Variants in ADHFE1 observed in about 807,000 individuals in gnomAD.
ADHFE1 encodes hydroxyacid-oxoacid transhydrogenase, mitochondrial.
ADHFE1 carries 37 observed loss-of-function variants against 54.8 expected under a neutral mutation model. That is an observed-to-expected ratio of 0.68 (90% CI 0.52 to 0.89). The LOEUF (loss-of-function observed/expected upper bound fraction) is 0.89, where lower values mean the gene tolerates loss of function less well. Ranked by LOEUF, ADHFE1 falls within the 40% of genes least tolerant of loss-of-function variation. The pLI, the probability that ADHFE1 is intolerant of heterozygous loss-of-function variation, is 0.00. For synonymous variants in ADHFE1, 203 were observed against 229.3 expected, an observed-to-expected ratio of 0.89 and a Z score of 1.04; for missense variants, 601 against 591.2, an observed-to-expected ratio of 1.02 and a Z score of -0.17.
intron 2 of ADHFE1, among the ~76,000 whole-genome samples, chr8:66,442,309 C>CTTTT (rs1028439051): frequency 7.5e-5 from 10 of 133,804 alleles, no homozygotes; most frequent in African/African-American, 8.2e-5. Flanking sequence ...TACATTCTAT[C>CTTTT]TTTTTTTTTT....
Position 66,468,882 on chromosome 8 carries a change from T to C in ADHFE1, c.*530T>C, listed in dbSNP as rs943986086. Reference sequence around the variant, plus strand: ...CAGTGGAATACTATGGTACTGTTAATAAAGATGAAGTAAATCTCTTGGAAA... The same window carrying C: ...CAGTGGAATACTATGGTACTGTTAACAAAGATGAAGTAAATCTCTTGGAAA... On this transcript the variant is annotated 3_prime_UTR_variant, in exon 14 of 14. Coordinates refer to ENST00000396623, the MANE Select transcript of ADHFE1 (RefSeq NM_144650.3). 2 of 152,194 alleles carry C rather than the reference T, an allele frequency of 1.3e-5. No individual in the cohort carries two copies. The highest frequency in any genetic ancestry group is 4.8e-5 in the African/African-American group (2 of 41,446). 9.4% of individuals were successfully genotyped at this position (152,194 alleles called of 1,614,324 possible).
chr8:66,438,000 A>G (rs1460744958), intron 1 of ADHFE1, among the ~76,000 whole-genome samples: 1 of 152,208 alleles, frequency 6.6e-6, no homozygotes, highest in Non-Finnish European at 1.5e-5. Context: ...TTCAAGGAAA[A>G]GAAAGATGTT....
chr8:66,443,264 A>ATTTTTTTTTTTTTTTTTTTTTT lies in ADHFE1; in HGVS notation c.144+431_144+452dup, dbSNP rs540464621. Among the ~76,000 whole-genome samples the ATTTTTTTTTTTTTTTTTTTTTT allele has an allele frequency of 3.5e-5, 3 of 86,100 alleles. 1 individual carries two copies. Among genetic ancestry groups the ATTTTTTTTTTTTTTTTTTTTTT allele is most frequent in the African/African-American group, 1.2e-4 (3 of 24,156 alleles). 56.5% of individuals were successfully genotyped at this position (86,100 alleles called of 152,430 possible). A position where few individuals can be genotyped will look rare whatever the true frequency, so the allele number is the denominator to read the frequency against. On this transcript the variant is annotated intron_variant, in intron 3 of 13. Coordinates refer to ENST00000396623, the MANE Select transcript of ADHFE1 (RefSeq NM_144650.3). Reference sequence around the variant, plus strand: ...GTCCCTGTCTCCTCCTAGTCCAGGAATTTTTTTTTTTTTTTTTTTTTTTTT... The same window carrying ATTTTTTTTTTTTTTTTTTTTTT: ...GTCCCTGTCTCCTCCTAGTCCAGGAATTTTTTTTTTTTTTTTTTTTTTTTTTTTTTTTTTTTTTTTTTTTTTT...
At chr8:66,454,691 C>A (rs1806478746) in intron 10 of ADHFE1, among the ~76,000 whole-genome samples, 1 of 151,908 alleles carries the variant, frequency 6.6e-6, no homozygotes, top group Admixed American at 6.6e-5. Context: ...TTAGCAACTA[C>A]CAATTTACTT....
intron 10 of ADHFE1, 27 bp downstream of exon 10, chr8:66,454,184 T>A: frequency 1.2e-6 from 2 of 1,609,428 alleles, no homozygotes; most frequent in South Asian, 1.1e-5. Context: ...TTTCATTTCT[T>A]TACTCAAGCT....
At chr8:66,434,714 A>G (rs563266825) in intron 1 of ADHFE1, among the ~76,000 whole-genome samples, 2 of 152,328 alleles carry the variant, frequency 1.3e-5, no homozygotes, top group Admixed American at 6.5e-5. Flanking sequence ...TGCGCTGACA[A>G]CTGAATGGAG....
intron 13 of ADHFE1, among the ~76,000 whole-genome samples, chr8:66,462,135 AG>A (rs1806933868): frequency 6.6e-6 from 1 of 152,172 alleles, no homozygotes; most frequent in Non-Finnish European, 1.5e-5. Context: ...TCTCCTCCTA[AG>A]TCCTCTGTCT....
rs763502364 is a variant in ADHFE1, at chr8:66,444,592, A to G, written c.199-2A>G. 3 of 1,613,946 alleles carry G rather than the reference A, an allele frequency of 1.9e-6. No homozygotes were observed. The highest frequency in any genetic ancestry group is 2.5e-6 in the Non-Finnish European group (3 of 1,180,004). Reference sequence around the variant, plus strand: ...GAACCTAACTTATAGGTTTTCTTGTAGGACCTAAAAAACATGGGTGCTAAA... The same window carrying G: ...GAACCTAACTTATAGGTTTTCTTGTGGGACCTAAAAAACATGGGTGCTAAA... On this transcript the variant is annotated splice_acceptor_variant, in intron 4 of 13. Coordinates refer to ENST00000396623, the MANE Select transcript of ADHFE1 (RefSeq NM_144650.3). LOFTEE classifies it high-confidence loss of function.
rs762732753 is a variant in ADHFE1, at chr8:66,454,144, G to C, written c.973G>C (p.Gly325Arg). 6.2e-7 allele frequency: 1 copy of C among 1,613,914 alleles called. No homozygotes were observed. Among genetic ancestry groups the C allele is most frequent in the Non-Finnish European group, 8.5e-7 (1 of 1,179,944 alleles). ...TGCTGGCATCGGCTTTGGAAATGCT[G>C]GTGTTCATCTGTGGTGAGCAAGTCT... is the stretch of plus-strand genomic sequence containing the variant. Reference protein sequence around the residue: ...AFAGIGFGNAGVHLCHGMSYP... With the variant: ...AFAGIGFGNARVHLCHGMSYP... The change falls in exon 10 of 14, where the codon GGT (glycine) becomes CGT (arginine). Residue 325 changes from glycine to arginine, a missense_variant. Physicochemically the swap from Gly to Arg is moderately radical, Grantham distance 125 (BLOSUM62 -2). Transcript: ENST00000396623.
At chr8:66,452,655 A>G (rs1266595701) in intron 9 of ADHFE1, among the ~76,000 whole-genome samples, 1 of 152,208 alleles carries the variant, frequency 6.6e-6, no homozygotes, top group Non-Finnish European at 1.5e-5. Flanking sequence ...CCCTGTCTCA[A>G]TTTAAAAAAG....
chr8:66,451,864 C>A, intron 8 of ADHFE1, 89 bp from the exon 9 acceptor site: 1 of 1,512,028 alleles, frequency 6.6e-7, no homozygotes. Context: ...GGTTGAGTGC[C>A]AAACAGCTCC....
chr8:66,444,501 TC>T (rs1805927240), intron 4 of ADHFE1, 81 bp downstream of exon 4: 2 of 1,605,784 alleles, frequency 1.2e-6, no homozygotes, highest in East Asian at 2.2e-5. Context: ...AACAATCACA[TC>T]CTCTATTTTT....
At chr8:66,461,710 T>C (rs1162543982) in intron 13 of ADHFE1, among the ~76,000 whole-genome samples, 3 of 152,008 alleles carry the variant, frequency 2.0e-5, no homozygotes, top group East Asian at 3.9e-4. Flanking sequence ...CAGGTCCCAG[T>C]GTTGGTAGAA....
At chr8:66,455,926 C>A (rs1238241153) in intron 10 of ADHFE1, among the ~76,000 whole-genome samples, 1 of 151,678 alleles carries the variant, frequency 6.6e-6, no homozygotes. Context: ...CAGAGTGGGA[C>A]CCTGTCTCAA....
intron 9 of ADHFE1, 80 bp downstream of exon 9, chr8:66,452,185 T>C: frequency 6.5e-7 from 1 of 1,527,694 alleles, no homozygotes; most frequent in South Asian, 1.3e-5. Context: ...TGCCTGAGCC[T>C]GAAATATCCT....
At chr8:66,448,829 T>A (rs763974255) in intron 7 of ADHFE1, 36 bp from the exon 8 acceptor site, 2 of 1,555,574 alleles carry the variant, frequency 1.3e-6, no homozygotes, top group East Asian at 4.5e-5. Flanking sequence ...ATGATGCCCA[T>A]GGCTTTAGCC....
rs1202565593 is a variant in ADHFE1 at position 66,439,845 on chromosome 8, G to C, written c.60-317G>C. ...AAGAGCTGGGGCTTCATGGAGACCAGAGACCCCCATCTTAAACTTGCATGT... is the reference window on the plus strand; with the variant it reads ...AAGAGCTGGGGCTTCATGGAGACCACAGACCCCCATCTTAAACTTGCATGT... On this transcript the variant is annotated intron_variant, in intron 1 of 13. Transcript: ENST00000396623. This position sits in a 1 kb window ranked among gnomAD's most constrained non-coding sequence, Gnocchi z 4.4. The C allele has an allele frequency of 9.8e-7, 1 of 1,021,664 alleles. No individual in the cohort carries two copies. The allele number at this position is 1,021,664 out of a possible 1,614,324, so 63.3% of individuals were successfully genotyped here.
intron 6 of ADHFE1, among the ~76,000 whole-genome samples, chr8:66,446,623 A>T (rs1271633817): frequency 6.6e-6 from 1 of 151,968 alleles, no homozygotes; most frequent in Non-Finnish European, 1.5e-5. Context: ...ATGTTAATAC[A>T]GACAGACACC....
At chr8:66,450,019 C>T (rs1009196372) in intron 8 of ADHFE1, among the ~76,000 whole-genome samples, 5 of 152,184 alleles carry the variant, frequency 3.3e-5, no homozygotes, top group Admixed American at 6.5e-5. Context: ...TGTACAGTGA[C>T]TGTCACATCC....
Sources: allele counts gnomAD v4.1 joint callset (sites outside exome capture counted in the v4.1 genomes callset), GRCh38; gene constraint gnomAD v4.1.1; non-coding constraint Gnocchi (gnomAD v3.1); transcripts MANE v1.5; gene names NCBI Gene and HGNC (gene_info 2026-07-23, HGNC 2026-07-21).